EDIL3: variants seen among roughly 807,000 people sequenced by gnomAD.
EDIL3 encodes EGF like and discoidin domains 3, also known as EGF-like repeat and discoidin I-like domain-containing protein 3.
EDIL3 carries 37 observed loss-of-function variants against 67.4 expected under a neutral mutation model. That is an observed-to-expected ratio of 0.55 (90% CI 0.42 to 0.72). The LOEUF (loss-of-function observed/expected upper bound fraction) is 0.72, where lower values mean the gene tolerates loss of function less well. Among genes scored for constraint, EDIL3 ranks in the 30% least tolerant of loss-of-function variants. The pLI is 0.00. For synonymous variants in EDIL3, 195 were observed against 196.3 expected (o/e 0.99, Z 0.05); for missense variants, 527 against 586.3 (o/e 0.90, Z 1.04).
At chr5:84,381,701 T>C (rs931459645) in intron 1 of EDIL3, among the ~76,000 whole-genome samples, 2 of 152,206 alleles carry the variant, frequency 1.3e-5, no homozygotes, top group African/African-American at 2.4e-5. Flanking sequence ...AGGCACAAAC[T>C]GCAGGCACAG....
At chr5:84,179,162 G>A (rs1748972612) in intron 4 of EDIL3, among the ~76,000 whole-genome samples, 1 of 152,016 alleles carries the variant, frequency 6.6e-6, no homozygotes, top group Non-Finnish European at 1.5e-5. Flanking sequence ...GGTCTTCATG[G>A]GATTAAGTGA....
At chr5:84,201,347 A>T (rs1041955797) in intron 3 of EDIL3, among the ~76,000 whole-genome samples, 1 of 152,102 alleles carries the variant, frequency 6.6e-6, no homozygotes, top group African/African-American at 2.4e-5. Flanking sequence ...GTTTCTGGTA[A>T]ATAAATGTAT....
chr5:84,141,034 G>T (rs1185319660), intron 4 of EDIL3, among the ~76,000 whole-genome samples: 2 of 151,978 alleles, frequency 1.3e-5, no homozygotes, highest in East Asian at 1.9e-4. Flanking sequence ...ATAGTGCAAT[G>T]AAATGAAACT....
intron 4 of EDIL3, among the ~76,000 whole-genome samples, chr5:84,154,380 C>T (rs1421414034): frequency 6.6e-6 from 1 of 151,916 alleles, no homozygotes; most frequent in African/African-American, 2.4e-5. Flanking sequence ...AGAATACTTA[C>T]CATACAATAA....
chr5:84,204,882 T>A (rs897995729), intron 3 of EDIL3, among the ~76,000 whole-genome samples: 7 of 151,908 alleles, frequency 4.6e-5, no homozygotes, highest in African/African-American at 1.7e-4. Flanking sequence ...TAATGTTTCC[T>A]GTAAGCAGCC....
chr5:84,325,127 C>T (rs906868165), intron 1 of EDIL3, among the ~76,000 whole-genome samples: 7 of 151,718 alleles, frequency 4.6e-5, no homozygotes, highest in Non-Finnish European at 1.0e-4. Flanking sequence ...AAAAAATAGA[C>T]AAAATGAACT....
intron 1 of EDIL3, among the ~76,000 whole-genome samples, chr5:84,307,915 A>G (rs1746305852): frequency 6.6e-6 from 1 of 152,192 alleles, no homozygotes; most frequent in Admixed American, 6.5e-5. Flanking sequence ...TGAAATCAGA[A>G]GGGTAGCTTG....
At chr5:84,287,627 T>C (rs1745834081) in intron 1 of EDIL3, among the ~76,000 whole-genome samples, 1 of 152,124 alleles carries the variant, frequency 6.6e-6, no homozygotes, top group Non-Finnish European at 1.5e-5. Context: ...GGCCTGCTTT[T>C]TACAAGATCA....
chr5:84,345,095 A>G (rs575548386), intron 1 of EDIL3, among the ~76,000 whole-genome samples: 1 of 152,276 alleles, frequency 6.6e-6, no homozygotes, highest in African/African-American at 2.4e-5. Flanking sequence ...TTACACAGAC[A>G]TAATTCTACA....
intron 2 of EDIL3, among the ~76,000 whole-genome samples, chr5:84,238,165 G>A (rs1319961132): frequency 1.3e-5 from 2 of 151,922 alleles, no homozygotes; most frequent in African/African-American, 4.8e-5. Flanking sequence ...GTGTGTGTAT[G>A]TGTGTGTGTG....
chr5:84,369,465 A>C (rs539040922), intron 1 of EDIL3, among the ~76,000 whole-genome samples: 1 of 152,266 alleles, frequency 6.6e-6, no homozygotes, highest in Non-Finnish European at 1.5e-5. Flanking sequence ...CATTATGCTA[A>C]GTGAAATAAG....
chr5:84,212,746 A>T (rs930583204), intron 3 of EDIL3, among the ~76,000 whole-genome samples: 9 of 152,174 alleles, frequency 5.9e-5, no homozygotes, highest in Non-Finnish European at 1.3e-4. Context: ...AACATGTGTG[A>T]CCTGGAATAG....
intron 6 of EDIL3, among the ~76,000 whole-genome samples, chr5:84,070,600 G>A (rs1051986840): frequency 7.5e-6 from 1 of 133,804 alleles, no homozygotes. Flanking sequence ...GGCTACTATG[G>A]TTAAGAGTGT....
chr5:84,107,610 T>A (rs1747487426), intron 5 of EDIL3, among the ~76,000 whole-genome samples: 1 of 151,340 alleles, frequency 6.6e-6, no homozygotes, highest in Non-Finnish European at 1.5e-5. Flanking sequence ...CTGAGAAACT[T>A]AAGAAAATTT....
At chr5:84,231,043 C>G (rs1744567101) in intron 2 of EDIL3, among the ~76,000 whole-genome samples, 1 of 152,124 alleles carries the variant, frequency 6.6e-6, no homozygotes, top group African/African-American at 2.4e-5. Context: ...CTGGGCTCCA[C>G]ATAGAACCAA....
At chr5:84,274,816 G>GA (rs1478065263) in intron 1 of EDIL3, among the ~76,000 whole-genome samples, 1 of 151,586 alleles carries the variant, frequency 6.6e-6, no homozygotes, top group African/African-American at 2.4e-5. Flanking sequence ...CACAAAGAGA[G>GA]AAAGACCTTC....
intron 6 of EDIL3, among the ~76,000 whole-genome samples, chr5:84,081,913 T>C (rs560380344): frequency 5.6e-4 from 85 of 152,360 alleles, no homozygotes; most frequent in Middle Eastern, 3.4e-3. Context: ...AATGCTCTCC[T>C]TGGCATTTGC....
chr5:84,032,845 T>C (rs1745953728), intron 9 of EDIL3, among the ~76,000 whole-genome samples: 1 of 152,180 alleles, frequency 6.6e-6, no homozygotes, highest in Admixed American at 6.5e-5. Flanking sequence ...GTTTCTCCCA[T>C]CAAAAATAAA....
chr5:84,163,200 C>A (rs193071493), intron 4 of EDIL3, among the ~76,000 whole-genome samples: 2 of 152,008 alleles, frequency 1.3e-5, no homozygotes, highest in Admixed American at 6.6e-5. Context: ...CAGAAAATGA[C>A]CAGGAAGTTC....
Sources: allele counts gnomAD v4.1 joint callset (sites outside exome capture counted in the v4.1 genomes callset), GRCh38; gene constraint gnomAD v4.1.1; transcripts MANE v1.5; gene names NCBI Gene and HGNC (gene_info 2026-07-23, HGNC 2026-07-21).